Variants in LPCAT2 observed in about 807,000 individuals in gnomAD.
LPCAT2 encodes the protein 1-AGP acyltransferase 11.
A neutral mutation model predicts 64.7 loss-of-function variants in LPCAT2; 58 were observed. The observed-to-expected ratio is 0.90, with a 90% CI of 0.73 to 1.12. The LOEUF is 1.12. Ranked by LOEUF, LPCAT2 falls within the 50% of genes most tolerant of loss-of-function variation. The pLI is 0.00. For missense variants in LPCAT2, 579 were observed against 669.8 expected, an observed-to-expected ratio of 0.86 and a Z score of 1.50; for synonymous variants, 252 against 245.3, an observed-to-expected ratio of 1.03 and a Z score of -0.26.
chr16:55,514,091 G>A (rs1158242481), intron 1 of LPCAT2, among the ~76,000 whole-genome samples: 1 of 152,082 alleles, frequency 6.6e-6, no homozygotes, highest in Non-Finnish European at 1.5e-5. Flanking sequence ...AGCTGCCTGA[G>A]ACAGGGAGTA....
At position 55,586,138 on chromosome 16, in the gene LPCAT2, T is replaced by C. The variant is rs1001219040; in HGVS notation, c.*3040T>C. 3.9e-5 allele frequency: 6 copies of C among 152,144 alleles called. No individual in the cohort carries two copies. Among genetic ancestry groups the C allele is most frequent in the Non-Finnish European group, 4.4e-5 (3 of 68,020 alleles). 9.4% of individuals were successfully genotyped at this position (152,144 alleles called of 1,614,324 possible). ...ATATCAGAGTGACAAATAAGTGCTA[T>C]GGCTTGATAGAAGTGAAGCTCTTCA... is the stretch of plus-strand genomic sequence containing the variant. On this transcript the variant is annotated 3_prime_UTR_variant, in exon 14 of 14. Coordinates refer to ENST00000262134, the MANE Select transcript of LPCAT2 (RefSeq NM_017839.5).
intron 8 of LPCAT2, among the ~76,000 whole-genome samples, chr16:55,543,596 C>T (rs1416178346): frequency 6.6e-6 from 1 of 151,904 alleles, no homozygotes. Context: ...GATCAGGATG[C>T]AGGGAATTTT....
In LPCAT2 at chr16:55,509,991, C is replaced by CTTTTTTTTTTTTT. The variant is rs57496150; in HGVS notation, c.171+644_171+656dup. 2.6e-4 allele frequency among the ~76,000 whole-genome samples: 27 copies of CTTTTTTTTTTTTT among 102,540 alleles called. 3 individuals carry two copies. Among genetic ancestry groups the CTTTTTTTTTTTTT allele is most frequent in the South Asian group, 7.1e-4 (2 of 2,806 alleles). 67.3% of individuals were successfully genotyped at this position (102,540 alleles called of 152,430 possible). On this transcript the variant is annotated intron_variant, in intron 1 of 13. Coordinates refer to ENST00000262134, the MANE Select transcript of LPCAT2 (RefSeq NM_017839.5). ...TACGGGAGAGTAGATTTGAAGAAGTCTTTTTTTTTTTTTTTTTGCCTTAGG... is the reference window on the plus strand; with the variant it reads ...TACGGGAGAGTAGATTTGAAGAAGTCTTTTTTTTTTTTTTTTTTTTTTTTTTTTTTGCCTTAGG...
chr16:55,567,420 G>T, intron 11 of LPCAT2: 1 of 1,613,830 alleles, frequency 6.2e-7, no homozygotes, highest in Non-Finnish European at 8.5e-7. Flanking sequence ...CATGTTTCGT[G>T]CCTTCAAGTC....
At chr16:55,510,759 CTT>C (rs1962920920) in intron 1 of LPCAT2, among the ~76,000 whole-genome samples, 1 of 152,116 alleles carries the variant, frequency 6.6e-6, no homozygotes, top group African/African-American at 2.4e-5. Context: ...CTTTTTGTGT[CTT>C]CACATTCTGA....
chr16:55,509,391 G>T (rs771962286), intron 1 of LPCAT2, 39 bp downstream of exon 1: 2 of 1,343,612 alleles, frequency 1.5e-6, no homozygotes, highest in Non-Finnish European at 1.9e-6. Context: ...TGGTCTGAGG[G>T]GGGCCTAGGT....
At chr16:55,571,460 C>T (rs1963769178) in intron 11 of LPCAT2, among the ~76,000 whole-genome samples, 1 of 152,080 alleles carries the variant, frequency 6.6e-6, no homozygotes, top group Non-Finnish European at 1.5e-5. Context: ...CTGGAGTTTC[C>T]ATGAGACCAT....
rs1596896077 is a variant in LPCAT2, at chr16:55,584,382, T to G, written c.*1284T>G. ...GGAATCAACAAACGTACTTTATTAATGCAAGACCACAATTTAAGCCCCAGG... is the reference window on the plus strand; with the variant it reads ...GGAATCAACAAACGTACTTTATTAAGGCAAGACCACAATTTAAGCCCCAGG... On this transcript the variant is annotated 3_prime_UTR_variant, in exon 14 of 14. Coordinates refer to ENST00000262134, the MANE Select transcript of LPCAT2 (RefSeq NM_017839.5). 1.3e-5 allele frequency: 2 copies of G among 152,194 alleles called. No individual in the cohort carries two copies. 9.4% of individuals were successfully genotyped at this position (152,194 alleles called of 1,614,324 possible).
intron 11 of LPCAT2, among the ~76,000 whole-genome samples, chr16:55,572,410 C>T (rs934885560): frequency 5.9e-5 from 9 of 152,146 alleles, no homozygotes; most frequent in Non-Finnish European, 1.2e-4. Flanking sequence ...CTATTTAAGA[C>T]TTCTATGTTG....
chr16:55,525,419 C>A, intron 1 of LPCAT2, 89 bp from the exon 2 acceptor site: 2 of 1,207,134 alleles, frequency 1.7e-6, no homozygotes, highest in Non-Finnish European at 2.4e-6. Context: ...GCATGAACAC[C>A]ATAAAACTTT....
chr16:55,535,654 A>G (rs1194997312), intron 7 of LPCAT2, among the ~76,000 whole-genome samples: 1 of 152,176 alleles, frequency 6.6e-6, no homozygotes, highest in Non-Finnish European at 1.5e-5. Context: ...GCTTTTAGAC[A>G]TGGAAGAATT....
rs1412425210 is a variant in LPCAT2 at position 55,528,403 on chromosome 16, T to A, written c.338T>A (p.Phe113Tyr). 1 of 1,613,652 alleles carries A rather than the reference T, an allele frequency of 6.2e-7. No individual in the cohort carries two copies. The highest frequency in any genetic ancestry group is 1.7e-5 in the Admixed American group (1 of 59,946). Residue 113 changes from phenylalanine to tyrosine, a missense_variant, in exon 3 of 14, where the codon TTT (phenylalanine) becomes TAT (tyrosine). Coordinates refer to ENST00000262134, the MANE Select transcript of LPCAT2 (RefSeq NM_017839.5). ...RRKITQTALK[F>Y]LGRAMFFSMG... ...AAAATTACTCAAACAGCTTTGAAAT[T>A]TCTGGGTCGTGCTATGTTCTTTTCA...
rs1396104965 is a variant in LPCAT2, at chr16:55,567,644, T to A, written c.1216-6987T>A. 3.6e-6 allele frequency: 3 copies of A among 824,686 alleles called. No individual in the cohort carries two copies. The Admixed American group carries it at 8.3e-5, about 23-fold the overall frequency. 51.1% of individuals were successfully genotyped at this position (824,686 alleles called of 1,614,324 possible). Reference sequence around the variant, plus strand: ...ACAACCCTACATATTTCTGATCATGTGCTGCCTTTTACTGCTGAATTAAAA... The same window carrying A: ...ACAACCCTACATATTTCTGATCATGAGCTGCCTTTTACTGCTGAATTAAAA... On this transcript the variant is annotated intron_variant, in intron 11 of 13. Coordinates refer to ENST00000262134, the MANE Select transcript of LPCAT2 (RefSeq NM_017839.5).
chr16:55,534,474 C>A lies in LPCAT2; in HGVS notation c.794C>A (p.Thr265Lys). The A allele has an allele frequency of 6.8e-7, 1 of 1,466,968 alleles. No homozygotes were observed. The highest frequency in any genetic ancestry group is 9.3e-7 in the Non-Finnish European group (1 of 1,074,784). 90.9% of individuals were successfully genotyped at this position (1,466,968 alleles called of 1,614,324 possible). ...DTVTWTWQGY[T>K]FIQLCMLTFC... ...GTGACCTGGACATGGCAAGGATATA[C>A]ATTGTAAGTCACTTATGTCTATTAT... Residue 265 changes from threonine (T) to lysine (K), a missense_variant, in exon 7 of 14, where the codon ACA becomes AAA. Thr to Lys is a moderately conservative substitution (Grantham distance 78, BLOSUM62 -1). Coordinates refer to ENST00000262134, the MANE Select transcript of LPCAT2 (RefSeq NM_017839.5).
chr16:55,566,602 C>T, intron 11 of LPCAT2: 1 of 753,422 alleles, frequency 1.3e-6, no homozygotes, highest in South Asian at 1.9e-5. Flanking sequence ...CAGGTATCTT[C>T]AGTAGGATGT....
chr16:55,510,612 C>A (rs1005108123), intron 1 of LPCAT2, among the ~76,000 whole-genome samples: 4 of 152,044 alleles, frequency 2.6e-5, no homozygotes, highest in Admixed American at 6.5e-5. Context: ...CAGGTGGTGG[C>A]TTGAGTAATG....
At chr16:55,525,120 AGCAATTTCC>A (rs1274800970) in intron 1 of LPCAT2, among the ~76,000 whole-genome samples, 1 of 152,098 alleles carries the variant, frequency 6.6e-6, no homozygotes, top group East Asian at 1.9e-4. Flanking sequence ...GCTCTCAAAA[AGCAATTTCC>A]CCTTCTTACC....
At chr16:55,533,626 T>G (rs1328190272) in intron 6 of LPCAT2, among the ~76,000 whole-genome samples, 1 of 152,048 alleles carries the variant, frequency 6.6e-6, no homozygotes, top group Admixed American at 6.6e-5. Flanking sequence ...TTGACCAGGC[T>G]GGTCTTGAAC....
intron 8 of LPCAT2, among the ~76,000 whole-genome samples, chr16:55,543,193 T>C (rs1421373699): frequency 6.6e-6 from 1 of 152,216 alleles, no homozygotes; most frequent in African/African-American, 2.4e-5. Context: ...CCAAGGCCCA[T>C]GGGTGTCAAA....
Sources: gnomAD v4.1 joint callset for allele counts (sites outside exome capture counted in the v4.1 genomes callset) on GRCh38, gnomAD v4.1.1 for gene constraint, MANE v1.5 for transcripts, NCBI Gene and HGNC (gene_info 2026-07-23, HGNC 2026-07-21) for gene names.